The following CPS1 variants were observed in gnomAD, a reference collection of about 807,000 sequenced individuals.
CPS1 encodes the protein carbamoyl-phosphate synthase [ammonia], mitochondrial.
In CPS1, 109 loss-of-function variants were observed where a neutral mutation model predicts 174.6. That is an observed-to-expected ratio of 0.62 (90% CI 0.53 to 0.73). CPS1 has a LOEUF of 0.73. CPS1 is among the 30% of genes least tolerant of loss of function. The probability of loss-of-function intolerance (pLI) is 0.00; values close to 1 mark genes in which losing one functional copy is unlikely to be tolerated. For missense variants in CPS1, 1,689 were observed against 1,821.9 expected, an observed-to-expected ratio of 0.93 and a Z score of 1.33; for synonymous variants, 637 against 632.0, an observed-to-expected ratio of 1.01 and a Z score of -0.12.
rs924475957 is a variant in CPS1 at position 210,602,626 on chromosome 2, CCTT to C, written c.1836+301_1836+303del. On this transcript the variant is annotated intron_variant, in intron 16 of 37. Coordinates refer to ENST00000233072, the MANE Select transcript of CPS1 (RefSeq NM_001875.5). ...TCAAGGAGATGAACTTAATTCAACT[CCTT>C]CTTCCTTTGTTTCAAAATCTACTCT... is the stretch of plus-strand genomic sequence containing the variant. Among the ~76,000 whole-genome samples the C allele has an allele frequency of 2.0e-4, 30 of 152,018 alleles. No homozygotes were observed. In the East Asian group the frequency reaches 4.1e-3, roughly 21 times the overall value.
intron 1 of CPS1, among the ~76,000 whole-genome samples, chr2:210,498,906 A>G (rs755411306): frequency 2.0e-5 from 3 of 152,122 alleles, no homozygotes; most frequent in Non-Finnish European, 4.4e-5. Flanking sequence ...ATGCCTGTGC[A>G]TGGAGTAAAG....
At chr2:210,556,080 A>G (rs1176843791), upstream of CPS1, among the ~76,000 whole-genome samples, 2 of 152,054 alleles carry the variant, frequency 1.3e-5, no homozygotes, top group African/African-American at 4.8e-5. Context: ...AATGTAGTAT[A>G]CTACTCTATT....
Position 210,678,267 on chromosome 2 carries a change from C to CT in CPS1, c.*287dup, listed in dbSNP as rs1701597318. On this transcript the variant is annotated 3_prime_UTR_variant, in exon 38 of 38. Transcript: ENST00000233072. ...CTATGTGCTTATGTGTAGCTTTTTA[C>CT]TTTTTATGGTGCTGATTAATGGTGA... The CT allele has an allele frequency of 2.2e-6, 1 of 460,858 alleles. No individual in the cohort carries two copies. The highest frequency in any genetic ancestry group is 2.0e-5 in the African/African-American group (1 of 50,642). 28.5% of individuals were successfully genotyped at this position (460,858 alleles called of 1,614,324 possible). A position where few individuals can be genotyped will look rare whatever the true frequency, so the allele number is the denominator to read the frequency against.
intron 1 of CPS1, among the ~76,000 whole-genome samples, chr2:210,478,008 C>G (rs1047705998): frequency 6.6e-6 from 1 of 152,144 alleles, no homozygotes; most frequent in Non-Finnish European, 1.5e-5. Context: ...AATCCTTTCC[C>G]CTAATGATGG....
chr2:210,649,741 C>A (rs1700503091), intron 27 of CPS1, among the ~76,000 whole-genome samples: 1 of 151,948 alleles, frequency 6.6e-6, no homozygotes, highest in South Asian at 2.1e-4. Context: ...CCTCTCCTAC[C>A]CTCCCAACCC....
Position 210,582,714 on chromosome 2 carries a change from G to C in CPS1, c.621+5G>C, listed in dbSNP as rs1268357183. On this transcript the variant is annotated splice_donor_5th_base_variant and intron_variant, in intron 6 of 37. Coordinates refer to ENST00000233072, the MANE Select transcript of CPS1 (RefSeq NM_001875.5). ...ATTGCTGAGGTTTCAACCAAGGTGA[G>C]GGGTTTTCCTTTATATTTTGTAGTT... 1.2e-6 allele frequency: 2 copies of C among 1,602,652 alleles called. No individual in the cohort carries two copies. The highest frequency in any genetic ancestry group is 1.7e-6 in the Non-Finnish European group (2 of 1,170,004).
In CPS1 at chr2:210,650,235, A is replaced by G. The variant is rs76249613; in HGVS notation, c.3405-128A>G. 2.4e-4 allele frequency: 182 copies of G among 760,636 alleles called. 2 individuals carry two copies. The East Asian group carries it at 4.5e-3, about 19-fold the overall frequency. 47.1% of individuals were successfully genotyped at this position (760,636 alleles called of 1,614,324 possible). A position where few individuals can be genotyped will look rare whatever the true frequency, so the allele number is the denominator to read the frequency against. ...GGTGATTAAATGGAGAAAAGTCTCA[A>G]TTTAGCAAGAGGCACCTTCTTATTC... On this transcript the variant is annotated intron_variant, in intron 27 of 37. Transcript: ENST00000233072.
chr2:210,659,158 T>G (rs933507038), intron 31 of CPS1, among the ~76,000 whole-genome samples: 1 of 152,202 alleles, frequency 6.6e-6, no homozygotes, highest in African/African-American at 2.4e-5. Flanking sequence ...TGTTTTGTGT[T>G]GCTATAACAG....
At chr2:210,563,397 C>A (rs906307980) in intron 1 of CPS1, among the ~76,000 whole-genome samples, 1 of 152,092 alleles carries the variant, frequency 6.6e-6, no homozygotes. Flanking sequence ...ATGCTGTTTA[C>A]AGTTGACGTA....
chr2:210,663,490 A>T (rs1395097284), intron 33 of CPS1, among the ~76,000 whole-genome samples: 1 of 152,170 alleles, frequency 6.6e-6, no homozygotes, highest in South Asian at 2.1e-4. Context: ...TCTGTGTCTT[A>T]CTTTTTATTT....
At chr2:210,506,314 G>T (rs1341859982) in intron 1 of CPS1, among the ~76,000 whole-genome samples, 1 of 152,160 alleles carries the variant, frequency 6.6e-6, no homozygotes, top group African/African-American at 2.4e-5. Flanking sequence ...CAGACCTGCA[G>T]CTGAGGGTCC....
In CPS1 at chr2:210,590,180, G is replaced by A. The variant is rs761172541; in HGVS notation, c.786G>A (p.Ala262=). 6.8e-6 allele frequency: 11 copies of A among 1,612,918 alleles called. No homozygotes were observed. The highest frequency in any genetic ancestry group is 2.2e-5 in the South Asian group (2 of 91,068). ...TGGAGTATGATGGGATTTTGATCGC[G>A]GGAGGACCGGGGAACCCAGCTCTTG... ...TKMEYDGILI[A]GGPGNPALAE... Residue 262 remains alanine (A), a synonymous_variant, in exon 8 of 38, where the codon GCG becomes GCA. Coordinates refer to ENST00000233072, the MANE Select transcript of CPS1 (RefSeq NM_001875.5).
At chr2:210,482,053 T>C (rs114003752) in intron 1 of CPS1, among the ~76,000 whole-genome samples, 1,553 of 152,242 alleles carry the variant, frequency 0.01, 30 homozygotes, top group African/African-American at 0.035. Context: ...CCCAGGACTG[T>C]TTTTGGAACT....
chr2:210,519,619 C>G (rs549354352), intron 1 of CPS1: 2 of 264,780 alleles, frequency 7.6e-6, no homozygotes, highest in South Asian at 1.4e-4. Context: ...TATTTCCTGC[C>G]CTACATGGAT....
At chr2:210,482,682 G>C (rs1694605765) in intron 1 of CPS1, among the ~76,000 whole-genome samples, 1 of 151,464 alleles carries the variant, frequency 6.6e-6, no homozygotes, top group South Asian at 2.1e-4. Context: ...GAGAAAGAGA[G>C]AGAGAGAGAG....
Position 210,588,058 on chromosome 2 carries a change from G to C in CPS1, c.622G>C (p.Asp208His). 6.2e-7 allele frequency: 1 copy of C among 1,612,858 alleles called. No individual in the cohort carries two copies. The highest frequency in any genetic ancestry group is 1.7e-5 in the Admixed American group (1 of 59,928). ...QNLIAEVSTKDVKVYGKGNPT... is the reference protein window; with the variant it reads ...QNLIAEVSTKHVKVYGKGNPT... The stretch of plus-strand genomic sequence containing the variant: ...CATTCTCTGGTTTTTAAAATGGCAG[G>C]ATGTCAAAGTGTACGGCAAAGGAAA... Residue 208 changes from aspartate (D) to histidine (H), a missense_variant and splice_region_variant, in exon 7 of 38, where the codon GAT becomes CAT. By Grantham distance (81) the Asp-to-His change is moderately conservative (BLOSUM62 -1). Coordinates refer to ENST00000233072, the MANE Select transcript of CPS1 (RefSeq NM_001875.5).
chr2:210,498,755 A>G (rs534574164), intron 1 of CPS1, among the ~76,000 whole-genome samples: 16 of 152,274 alleles, frequency 1.1e-4, no homozygotes, highest in African/African-American at 3.6e-4. Context: ...TTATTCCAGT[A>G]GAGTGGGTGC....
At chr2:210,505,730 C>G (rs778125307) in intron 1 of CPS1, among the ~76,000 whole-genome samples, 5 of 152,244 alleles carry the variant, frequency 3.3e-5, no homozygotes, top group Non-Finnish European at 5.9e-5. Flanking sequence ...AACGGCACAC[C>G]AGGAGATTGT....
In CPS1 at chr2:210,582,638, G is replaced by A. The variant is rs1343366506; in HGVS notation, c.550G>A (p.Glu184Lys). ...ATAGGGTACCATGCTTGGGAAGATTGAATTTGAAGGTCAGCCTGTGGATTT... is the reference window on the plus strand; with the variant it reads ...ATAGGGTACCATGCTTGGGAAGATTAAATTTGAAGGTCAGCCTGTGGATTT... Reference protein sequence around the residue: ...RDKGTMLGKIEFEGQPVDFVD... With the variant: ...RDKGTMLGKIKFEGQPVDFVD... The change falls in exon 6 of 38, where the codon GAA becomes AAA. Residue 184 changes from glutamate (E) to lysine (K), a missense_variant. Transcript: ENST00000233072. 6.2e-7 allele frequency: 1 copy of A among 1,612,992 alleles called. No individual in the cohort carries two copies. Among genetic ancestry groups the A allele is most frequent in the Admixed American group, 1.7e-5 (1 of 59,952 alleles).
Sources: gnomAD v4.1 joint callset for allele counts (sites outside exome capture counted in the v4.1 genomes callset) on GRCh38, gnomAD v4.1.1 for gene constraint, MANE v1.5 for transcripts, NCBI Gene and HGNC (gene_info 2026-07-23, HGNC 2026-07-21) for gene names.